The following PHGR1 variants were observed in gnomAD, a reference collection of about 807,000 sequenced individuals.
PHGR1 encodes the protein proline, histidine and glycine rich 1.
In PHGR1, 3 loss-of-function variants were observed where a neutral mutation model predicts 4.9. That is an observed-to-expected ratio of 0.61 (90% confidence interval 0.28 to 1.58). The LOEUF is 1.58. Among genes scored for constraint, PHGR1 ranks in the 40% most tolerant of loss-of-function variants. The pLI, the probability that PHGR1 is intolerant of heterozygous loss-of-function variation, is 0.11. For missense variants in PHGR1, 81 were observed against 118.7 expected (o/e 0.68, Z 1.48); for synonymous variants, 32 against 46.1 (o/e 0.69, Z 1.24).
Position 40,356,248 on chromosome 15 carries a change from G to A in PHGR1, c.194G>A (p.Cys65Tyr), listed in dbSNP as rs1447078342. The A allele has an allele frequency of 2.6e-6, 4 of 1,546,072 alleles. No homozygotes were observed. In the East Asian group the frequency reaches 9.8e-5, roughly 38 times the overall value. ...GPPPHHGPGPCGPPPGHGPGH... is the reference protein window; with the variant it reads ...GPPPHHGPGPYGPPPGHGPGH... ...CCCCCCCACCATGGTCCAGGGCCCT[G>A]CGGGCCTCCCCCTGGCCATGGCCCA... The change falls in exon 4 of 4, where the codon TGC becomes TAC. Residue 65 changes from cysteine to tyrosine, a missense_variant. Physicochemically the swap from Cys to Tyr is radical, Grantham distance 194 (BLOSUM62 -2). Coordinates refer to ENST00000448599, the MANE Select transcript of PHGR1 (RefSeq NM_001145643.2).
rs1889299504 is a variant in PHGR1, at chr15:40,356,260, CT to C, written c.207del (p.Gly70AlafsTer38). On this transcript the variant is annotated frameshift_variant, in exon 4 of 4. Coordinates refer to ENST00000448599, the MANE Select transcript of PHGR1 (RefSeq NM_001145643.2). LOFTEE classifies it high-confidence loss of function. The part of the protein sequence containing the change: ...HHGPGPCGPP[P>X]GHGPGHPPPG... The stretch of plus-strand genomic sequence containing the variant: ...GGTCCAGGGCCCTGCGGGCCTCCCC[CT>C]GGCCATGGCCCAGGTCACCCACCCC... 2 of 1,549,090 alleles carry C rather than the reference CT, an allele frequency of 1.3e-6. No individual in the cohort carries two copies. Among genetic ancestry groups the C allele is most frequent in the Admixed American group, 2.0e-5 (1 of 50,944 alleles).
At chr15:40,355,463 T>C (rs1482148437) in intron 3 of PHGR1, among the ~76,000 whole-genome samples, 1 of 151,808 alleles carries the variant, frequency 6.6e-6, no homozygotes, top group Non-Finnish European at 1.5e-5. Context: ...CTATTTTATA[T>C]AAATATGGCA....
At chr15:40,353,470 T>C in intron 2 of PHGR1, 1 of 647,756 alleles carries the variant, frequency 1.5e-6, no homozygotes, top group Non-Finnish European at 2.6e-6. Flanking sequence ...AAAAGCATGC[T>C]TACTCATCAT....
chr15:40,355,912 A>G (rs1889286337), intron 3 of PHGR1, among the ~76,000 whole-genome samples, 161 bp from the exon 4 acceptor site: 1 of 152,188 alleles, frequency 6.6e-6, no homozygotes, highest in African/African-American at 2.4e-5. Context: ...ACCAAGGCAA[A>G]AGGCACGGGA....
At chr15:40,355,550 G>A (rs1373209962) in intron 3 of PHGR1, among the ~76,000 whole-genome samples, 1 of 152,070 alleles carries the variant, frequency 6.6e-6, no homozygotes, top group Non-Finnish European at 1.5e-5. Flanking sequence ...TACCCTCCGT[G>A]TCTTCTCATC....
chr15:40,351,740 A>G (rs977523992), intron 1 of PHGR1, among the ~76,000 whole-genome samples: 11 of 151,966 alleles, frequency 7.2e-5, no homozygotes, highest in African/African-American at 2.4e-4. Context: ...TCTCTACAAA[A>G]CAATTTTTTT....
chr15:40,355,295 C>T (rs1310247001), intron 3 of PHGR1, among the ~76,000 whole-genome samples: 3 of 152,108 alleles, frequency 2.0e-5, no homozygotes, highest in African/African-American at 4.8e-5. Context: ...TTTGATTTTA[C>T]TTTCTATTCT....
chr15:40,352,015 G>T (rs1283201242), intron 1 of PHGR1, among the ~76,000 whole-genome samples: 1 of 152,162 alleles, frequency 6.6e-6, no homozygotes, highest in Non-Finnish European at 1.5e-5. Flanking sequence ...GGGATTACAG[G>T]CATGAGCCGC....
At chr15:40,352,126 C>T (rs554288453) in intron 1 of PHGR1, among the ~76,000 whole-genome samples, 2 of 152,096 alleles carry the variant, frequency 1.3e-5, no homozygotes, top group Admixed American at 1.3e-4. Flanking sequence ...TTGCTTGAAC[C>T]CTGGAGGTCG....
At chr15:40,353,296 T>G in intron 2 of PHGR1, 29 bp downstream of exon 2, 1 of 1,551,424 alleles carries the variant, frequency 6.4e-7, no homozygotes, top group Non-Finnish European at 8.7e-7. Flanking sequence ...AGGCTGGGAA[T>G]TGGAAGAAGG....
intron 2 of PHGR1, 64 bp downstream of exon 2, chr15:40,353,331 C>A: frequency 6.5e-7 from 1 of 1,546,348 alleles, no homozygotes; most frequent in Non-Finnish European, 8.8e-7. Context: ...GCGGTAAAGG[C>A]AGGGACTATC....
At chr15:40,352,744 G>T (rs905896262) in intron 1 of PHGR1, among the ~76,000 whole-genome samples, 1 of 152,204 alleles carries the variant, frequency 6.6e-6, no homozygotes, top group Non-Finnish European at 1.5e-5. Flanking sequence ...TGGGCACACT[G>T]ATAGCTCCAA....
At chr15:40,355,603 C>A (rs1889280873) in intron 3 of PHGR1, among the ~76,000 whole-genome samples, 1 of 152,070 alleles carries the variant, frequency 6.6e-6, no homozygotes, top group Admixed American at 6.5e-5. Flanking sequence ...TCTTTCATCT[C>A]CCCTGACCCA....
intron 3 of PHGR1, 94 bp downstream of exon 3, chr15:40,354,446 A>T: frequency 2.9e-6 from 4 of 1,388,962 alleles, no homozygotes; most frequent in Non-Finnish European, 3.9e-6. Context: ...GGGAGCAGCC[A>T]CCACTTCCCC....
chr15:40,355,928 T>C (rs1343041391), intron 3 of PHGR1, 145 bp from the exon 4 acceptor site: 1 of 832,206 alleles, frequency 1.2e-6, no homozygotes, highest in Non-Finnish European at 2.0e-6. Flanking sequence ...CGGGACATGC[T>C]ACCCATGCCC....
intron 1 of PHGR1, among the ~76,000 whole-genome samples, chr15:40,351,967 C>T (rs771959547): frequency 2.1e-4 from 32 of 152,286 alleles, no homozygotes; most frequent in Non-Finnish European, 4.1e-4. Flanking sequence ...GAACTCCTGA[C>T]CTCAAATGAT....
chr15:40,353,131 GT>G (rs1889232241), intron 1 of PHGR1, 100 bp from the exon 2 acceptor site: 5 of 889,344 alleles, frequency 5.6e-6, no homozygotes, highest in Non-Finnish European at 8.8e-6. Context: ...GTGTGTGTGT[GT>G]GTGTGTGTGT....
rs1395896149 is a variant in PHGR1 at position 40,353,283 on chromosome 15, G to T, written c.10+16G>T. On this transcript the variant is annotated intron_variant, in intron 2 of 3. Coordinates refer to ENST00000448599, the MANE Select transcript of PHGR1 (RefSeq NM_001145643.2). ...ATGGACCCAGGTAAGCACTGTGGCTGAGAGGCTGGGAATTGGAAGAAGGGA... is the reference window on the plus strand; with the variant it reads ...ATGGACCCAGGTAAGCACTGTGGCTTAGAGGCTGGGAATTGGAAGAAGGGA... The T allele has an allele frequency of 1.3e-6, 2 of 1,551,702 alleles. No individual in the cohort carries two copies. Among genetic ancestry groups the T allele is most frequent in the Non-Finnish European group, 1.7e-6 (2 of 1,146,968 alleles).
At chr15:40,354,777 G>A (rs764697510) in intron 3 of PHGR1, among the ~76,000 whole-genome samples, 2 of 152,254 alleles carry the variant, frequency 1.3e-5, no homozygotes, top group East Asian at 1.9e-4. Context: ...AGGAGACTGC[G>A]TCTCCTCCAC....
Sources: allele counts gnomAD v4.1 joint callset (sites outside exome capture counted in the v4.1 genomes callset), GRCh38; gene constraint gnomAD v4.1.1; transcripts MANE v1.5; gene names NCBI Gene and HGNC (gene_info 2026-07-23, HGNC 2026-07-21).